The following DSE variants were observed in gnomAD, a reference collection of about 807,000 sequenced individuals.
DSE encodes the protein dermatan sulfate epimerase, also known as dermatan-sulfate epimerase.
DSE carries 36 observed loss-of-function variants against 84.4 expected under a neutral mutation model. The observed-to-expected ratio is 0.43, with a 90% CI of 0.33 to 0.56. DSE has a LOEUF of 0.56. Among genes scored for constraint, DSE ranks in the 20% least tolerant of loss-of-function variants. The probability of loss-of-function intolerance (pLI) is 0.06; values close to 1 mark genes in which losing one functional copy is unlikely to be tolerated. For missense variants in DSE, 862 were observed against 1,169.6 expected (o/e 0.74, Z 3.84); for synonymous variants, 410 against 430.1 (o/e 0.95, Z 0.58).
intron 2 of DSE, among the ~76,000 whole-genome samples, chr6:116,422,525 C>T (rs943860981): frequency 6.6e-6 from 1 of 152,226 alleles, no homozygotes; most frequent in African/African-American, 2.4e-5. Context: ...TGCATGACTT[C>T]TTTTGTTTGT....
chr6:116,302,948 T>C lies in DSE; in HGVS notation c.-54+43981T>C, dbSNP rs558676351. Among the ~76,000 whole-genome samples the C allele has an allele frequency of 7.9e-4, 121 of 152,286 alleles. 3 individuals are homozygous for C. In the South Asian group the frequency reaches 0.025, roughly 31 times the overall value. On this transcript the variant is annotated intron_variant, in intron 2 of 3. Coordinates refer to the DSE transcript ENST00000430252. ...GTCAGGTTTGTCAAAGATCAGATGATTGTAGATGTGTGGTATTATTTCCGA... is the reference window on the plus strand; with the variant it reads ...GTCAGGTTTGTCAAAGATCAGATGACTGTAGATGTGTGGTATTATTTCCGA...
intron 1 of DSE, chr6:116,255,765 G>C (rs1298150435): frequency 6.6e-6 from 1 of 152,216 alleles, no homozygotes; most frequent in Non-Finnish European, 1.5e-5. Context: ...CCTGAGTCAA[G>C]ATGAAGAGAA....
chr6:116,365,165 G>T (rs1164566344), intron 2 of DSE, among the ~76,000 whole-genome samples: 2 of 151,674 alleles, frequency 1.3e-5, no homozygotes, highest in African/African-American at 2.4e-5. Context: ...TAAAACAGTG[G>T]TTCCAAACTT....
intron 2 of DSE, among the ~76,000 whole-genome samples, chr6:116,360,311 AAC>A (rs1317776249): frequency 1.3e-5 from 2 of 152,194 alleles, no homozygotes; most frequent in Non-Finnish European, 2.9e-5. Flanking sequence ...TATGTCACAA[AAC>A]ACATCCTGCA....
intron 2 of DSE, among the ~76,000 whole-genome samples, chr6:116,411,674 AC>A (rs1782381766): frequency 6.6e-6 from 1 of 152,266 alleles, no homozygotes; most frequent in African/African-American, 2.4e-5. Context: ...TTTTATATTA[AC>A]TTCAGCATCT....
intron 2 of DSE, among the ~76,000 whole-genome samples, chr6:116,295,982 A>G (rs543694571): frequency 6.6e-6 from 1 of 152,320 alleles, no homozygotes; most frequent in African/African-American, 2.4e-5. Flanking sequence ...TTTTCATTCA[A>G]CCTCATCAAT....
At chr6:116,331,210 A>C (rs372658700) in intron 2 of DSE, among the ~76,000 whole-genome samples, 1 of 152,212 alleles carries the variant, frequency 6.6e-6, no homozygotes. Flanking sequence ...CAGGAATAAG[A>C]TAATAGTTGT....
At chr6:116,434,147 A>C (rs1020034426) in intron 5 of DSE, among the ~76,000 whole-genome samples, 2 of 151,448 alleles carry the variant, frequency 1.3e-5, no homozygotes, top group African/African-American at 2.4e-5. Flanking sequence ...GGACCGTATA[A>C]ATTTTTTTGC....
upstream of DSE, chr6:116,370,164 C>G (rs1779427600): frequency 3.0e-6 from 1 of 330,982 alleles, no homozygotes; most frequent in Non-Finnish European, 6.0e-6. Flanking sequence ...AAATGCTCCA[C>G]CTGAACTTGG....
At chr6:116,356,096 G>A (rs192532761) in intron 2 of DSE, among the ~76,000 whole-genome samples, 11 of 152,290 alleles carry the variant, frequency 7.2e-5, no homozygotes, top group Middle Eastern at 6.8e-3. Context: ...TTTAAACGCT[G>A]TCCTGTAGAT....
intron 2 of DSE, among the ~76,000 whole-genome samples, chr6:116,331,140 G>A (rs897236419): frequency 2.0e-5 from 3 of 152,086 alleles, no homozygotes; most frequent in East Asian, 3.8e-4. Context: ...CAAATACAGG[G>A]TATCTACAAA....
chr6:116,307,007 G>C (rs945622129), intron 2 of DSE, among the ~76,000 whole-genome samples: 3 of 152,218 alleles, frequency 2.0e-5, no homozygotes, highest in Admixed American at 6.5e-5. Context: ...TGTTAGGGCA[G>C]CATGAGCAGA....
At chr6:116,308,763 C>T (rs774351348) in intron 2 of DSE, among the ~76,000 whole-genome samples, 5 of 151,888 alleles carry the variant, frequency 3.3e-5, no homozygotes, top group South Asian at 2.1e-4. Flanking sequence ...CTGCAAGCTC[C>T]GCCTCCCGGG....
chr6:116,366,338 G>A (rs1267550797), upstream of DSE: 1 of 152,134 alleles, frequency 6.6e-6, no homozygotes, highest in African/African-American at 2.4e-5. Context: ...TCTGAAAATT[G>A]AATTCTAATT....
intron 2 of DSE, among the ~76,000 whole-genome samples, chr6:116,417,235 ATGT>A (rs1256657250): frequency 6.6e-6 from 1 of 152,186 alleles, no homozygotes; most frequent in African/African-American, 2.4e-5. Flanking sequence ...ACAATTATAA[ATGT>A]TGTTTGATTC....
At chr6:116,336,755 CAA>C (rs55859612) in intron 2 of DSE, among the ~76,000 whole-genome samples, 248 of 130,074 alleles carry the variant, frequency 1.9e-3, no homozygotes, top group Middle Eastern at 3.9e-3. Context: ...AACTCCATCT[CAA>C]AAAAAAAAAA....
exon 2 of DSE, chr6:116,258,852 C>T (rs772685233): frequency 1.2e-6 from 2 of 1,608,066 alleles, no homozygotes; most frequent in Non-Finnish European, 1.7e-6. Flanking sequence ...TGCACACAGT[C>T]ATGAGCTTCT....
At chr6:116,373,711 G>A (rs1377525814) in intron 1 of DSE, among the ~76,000 whole-genome samples, 6 of 152,132 alleles carry the variant, frequency 3.9e-5, no homozygotes, top group Non-Finnish European at 8.8e-5. Context: ...TCTTAACTTC[G>A]CAGATGCTTC....
At chr6:116,262,971 A>T (rs1383947026) in intron 2 of DSE, among the ~76,000 whole-genome samples, 3 of 152,140 alleles carry the variant, frequency 2.0e-5, no homozygotes, top group Non-Finnish European at 2.9e-5. Flanking sequence ...GCTGTGGTTC[A>T]AGAGATTTTT....
Sources: gnomAD v4.1 joint callset for allele counts (sites outside exome capture counted in the v4.1 genomes callset) on GRCh38, gnomAD v4.1.1 for gene constraint, MANE v1.5 for transcripts, NCBI Gene and HGNC (gene_info 2026-07-23, HGNC 2026-07-21) for gene names.